WDFY4: variants seen among roughly 807,000 people sequenced by gnomAD.
WDFY4 encodes WDFY family member 4, also known as WD repeat- and FYVE domain-containing protein 4.
WDFY4 carries 169 observed loss-of-function variants against 351.9 expected under a neutral mutation model. The ratio of observed to expected loss-of-function variants is 0.48; its 90% confidence interval spans 0.42 to 0.55. The LOEUF is 0.55. WDFY4 is among the 20% of genes least tolerant of loss of function. WDFY4 has a pLI of 0.00. For missense variants in WDFY4, 3,803 were observed against 3,935.6 expected (o/e 0.97, Z 0.90); for synonymous variants, 1,622 against 1,574.6 (o/e 1.03, Z -0.71).
intron 10 of WDFY4, among the ~76,000 whole-genome samples, chr10:48,735,051 A>G (rs1383018378): frequency 6.8e-6 from 1 of 146,960 alleles, no homozygotes; most frequent in Non-Finnish European, 1.5e-5. Context: ...TCAGTCTCCC[A>G]ATGTGCTAGG....
chr10:48,875,201 T>TC, intron 42 of WDFY4, 61 bp downstream of exon 42: 1 of 987,084 alleles, frequency 1.0e-6, no homozygotes, highest in Non-Finnish European at 1.4e-6. Flanking sequence ...TTATTTAATA[T>TC]TTTATTAAAG....
At chr10:48,978,426 G>A (rs768900501) in intron 60 of WDFY4, 33 bp downstream of exon 60, 2 of 1,528,134 alleles carry the variant, frequency 1.3e-6, no homozygotes, top group East Asian at 4.9e-5. Context: ...GGCCGTCCTG[G>A]CCTTGCCCTG....
chr10:48,775,756 C>T lies in WDFY4; in HGVS notation c.2813C>T (p.Thr938Ile), dbSNP rs191816895. ...ATTCCCTCATCTCTGTCGGCCACAACAAAAATCCTTGATTCATCTCACACA... is the reference window on the plus strand; with the variant it reads ...ATTCCCTCATCTCTGTCGGCCACAATAAAAATCCTTGATTCATCTCACACA... The part of the protein sequence containing the change: ...LGIPSSLSAT[T>I]KILDSSHTHR... Residue 938 changes from threonine to isoleucine, a missense_variant, in exon 15 of 62, where the codon ACA becomes ATA. Physicochemically the swap from Thr to Ile is moderately conservative, Grantham distance 89 (BLOSUM62 -1). This residue lies in a region of WDFY4 where 3,054 missense variants were observed against 3,148.6 expected (regional missense o/e 0.97). Transcript: ENST00000325239. The T allele has an allele frequency of 5.5e-4, 854 of 1,551,716 alleles. 7 individuals are homozygous for T. The highest frequency in any genetic ancestry group is 4.1e-4 in the Admixed American group (21 of 51,012).
intron 1 of WDFY4, among the ~76,000 whole-genome samples, chr10:48,702,119 C>T (rs1368647091): frequency 6.6e-6 from 1 of 152,172 alleles, no homozygotes; most frequent in East Asian, 1.9e-4. Context: ...AGTAACTCCT[C>T]CTCCTGAAAG....
At chr10:48,959,840 C>T (rs1418893442) in intron 53 of WDFY4, 27 bp downstream of exon 53, 1 of 1,530,532 alleles carries the variant, frequency 6.5e-7, no homozygotes. Flanking sequence ...CCCCTGGTAT[C>T]CTGCTGGGGA....
intron 26 of WDFY4, 137 bp downstream of exon 26, chr10:48,805,558 A>T (rs1386899182): frequency 8.1e-7 from 1 of 1,234,356 alleles, no homozygotes. Context: ...CCCAGGGCTG[A>T]GAGTTGGGGA....
chr10:48,807,873 T>C lies in WDFY4; in HGVS notation c.4753T>C (p.Ser1585Pro). The stretch of plus-strand genomic sequence containing the variant: ...CTTTTTTGTAGCTGGAAGCCAAACA[T>C]CTGGAAAGACAATCTGGCTCAGAAA... ...DPSLPAGSQT[S>P]GKTIWLRNQL... is the part of the protein sequence containing the mutation. The change falls in exon 28 of 62, where the codon TCT becomes CCT. Residue 1585 changes from serine (S) to proline (P), a missense_variant. Ser to Pro is a moderately conservative substitution (Grantham distance 74). Coordinates refer to ENST00000325239, the MANE Select transcript of WDFY4 (RefSeq NM_001394531.1). 1 of 1,551,692 alleles carries C rather than the reference T, an allele frequency of 6.4e-7. No individual in the cohort carries two copies. Among genetic ancestry groups the C allele is most frequent in the Non-Finnish European group, 8.7e-7 (1 of 1,146,976 alleles).
chr10:48,937,153 CA>C (rs921717610), intron 47 of WDFY4, among the ~76,000 whole-genome samples: 1 of 152,118 alleles, frequency 6.6e-6, no homozygotes, highest in African/African-American at 2.4e-5. Context: ...CTCGGCCTCC[CA>C]GAGTGTTGGG....
rs572346860 is a variant in WDFY4, at chr10:48,731,312, G to A, written c.1332G>A (p.Val444=). The A allele has an allele frequency of 1.5e-4, 231 of 1,551,882 alleles. 4 individuals are homozygous for A. The East Asian group carries it at 5.5e-3, about 37-fold the overall frequency. ...TCATGCCCCTGAAGCCGGCCCCAGT[G>A]CAGGAACACTTCTTCCAGCTTCTAG... is the stretch of plus-strand genomic sequence containing the variant. The part of the protein sequence containing the change: ...VEIMPLKPAP[V]QEHFFQLLEA... Residue 444 remains valine (V), a synonymous_variant, in exon 9 of 62, where the codon GTG becomes GTA. Transcript: ENST00000325239.
chr10:48,947,795 G>A lies in WDFY4; in HGVS notation c.7977+826G>A, dbSNP rs192914412. Among the ~76,000 whole-genome samples, 30 of 152,316 alleles carry A rather than the reference G, an allele frequency of 2.0e-4. 1 individual carries two copies. The highest frequency in any genetic ancestry group is 6.8e-3 in the Middle Eastern group (2 of 294). On this transcript the variant is annotated intron_variant, in intron 51 of 61. Transcript: ENST00000325239. ...GGGGAGATAGCCCTCAGATAGGGCA[G>A]CTGGCTCGGCTGACTCTAAAGAGAA...
chr10:48,868,071 T>C (rs2069617594), intron 40 of WDFY4, among the ~76,000 whole-genome samples: 1 of 152,190 alleles, frequency 6.6e-6, no homozygotes. Flanking sequence ...GAGCCATTAG[T>C]GTGTCCTGGG....
chr10:48,914,513 C>T (rs1838321472), intron 47 of WDFY4, among the ~76,000 whole-genome samples: 1 of 152,184 alleles, frequency 6.6e-6, no homozygotes, highest in Non-Finnish European at 1.5e-5. Context: ...AAATACTCTC[C>T]ACTGTCCCAG....
rs10637501 is a variant in WDFY4 at position 48,840,425 on chromosome 10, TAC to T, written c.6663+7737_6663+7738del. The stretch of plus-strand genomic sequence containing the variant: ...CTTGACACACACACACACATACACA[TAC>T]ACACACACACACACACACACCTCTC... On this transcript the variant is annotated intron_variant, in intron 39 of 61. Coordinates refer to ENST00000325239, the MANE Select transcript of WDFY4 (RefSeq NM_001394531.1). 2.8e-3 allele frequency among the ~76,000 whole-genome samples: 409 copies of T among 145,558 alleles called. 1 individual carries two copies. Among genetic ancestry groups the T allele is most frequent in the African/African-American group, 6.0e-3 (236 of 39,586 alleles).
intron 42 of WDFY4, among the ~76,000 whole-genome samples, chr10:48,876,031 GC>G (rs1168162757): frequency 6.6e-6 from 1 of 152,184 alleles, no homozygotes; most frequent in East Asian, 1.9e-4. Flanking sequence ...GTGGATGATG[GC>G]CATGGGCTGC....
Position 48,817,236 on chromosome 10 carries a change from G to A in WDFY4, c.5341-9G>A. 3.2e-6 allele frequency: 5 copies of A among 1,551,274 alleles called. No individual in the cohort carries two copies. The highest frequency in any genetic ancestry group is 1.2e-5 in the South Asian group (1 of 84,056). On this transcript the variant is annotated splice_polypyrimidine_tract_variant and intron_variant, in intron 31 of 61. Transcript: ENST00000325239. ...TGCCCTGCACTACCTCTCACCAAGT[G>A]TGCCTCAGCCCCTGGCAGGTTCTGA...
chr10:48,721,809 A>C (rs2064096886), intron 4 of WDFY4, among the ~76,000 whole-genome samples: 1 of 152,144 alleles, frequency 6.6e-6, no homozygotes, highest in Non-Finnish European at 1.5e-5. Context: ...ACGCAGGCTT[A>C]CCTACGCTGT....
rs970656660 is a variant in WDFY4 at position 48,844,073 on chromosome 10, G to A, written c.6663+11364G>A. On this transcript the variant is annotated intron_variant, in intron 39 of 61. Coordinates refer to ENST00000325239, the MANE Select transcript of WDFY4 (RefSeq NM_001394531.1). ...ACAGCCGGGCCGCCTGGCGCCTGCC[G>A]CCTGCTGCATGAGTTACAGCCGCCT... 7.0e-4 allele frequency among the ~76,000 whole-genome samples: 107 copies of A among 152,294 alleles called. 4 individuals carry two copies. Among genetic ancestry groups the A allele is most frequent in the Admixed American group, 6.7e-3 (102 of 15,306 alleles).
At chr10:48,895,142 G>A (rs775598571) in intron 44 of WDFY4, among the ~76,000 whole-genome samples, 2 of 152,362 alleles carry the variant, frequency 1.3e-5, no homozygotes, top group Admixed American at 6.5e-5. Flanking sequence ...GGCTCAGGCT[G>A]TGTCTCACTT....
At chr10:48,889,658 A>G (rs748618311) in intron 43 of WDFY4, among the ~76,000 whole-genome samples, 24 of 152,214 alleles carry the variant, frequency 1.6e-4, no homozygotes, top group Non-Finnish European at 2.9e-4. Context: ...AGGGTTTACT[A>G]TGTAAGGACC....
Sources: gnomAD v4.1 joint callset for allele counts (sites outside exome capture counted in the v4.1 genomes callset) on GRCh38, gnomAD v4.1.1 for gene constraint, gnomAD v4.1.1 regional missense constraint, MANE v1.5 for transcripts, NCBI Gene and HGNC (gene_info 2026-07-23, HGNC 2026-07-21) for gene names.